Variants in AS3MT observed in about 807,000 individuals in gnomAD.
AS3MT encodes the protein S-adenosyl-L-methionine:arsenic(III) methyltransferase.
A neutral mutation model predicts 45.3 loss-of-function variants in AS3MT; 47 were observed. That is an observed-to-expected ratio of 1.04 (90% CI 0.82 to 1.32). The LOEUF is 1.32. Among genes scored for constraint, AS3MT ranks in the 40% most tolerant of loss-of-function variants. The pLI is 0.00. For missense variants in AS3MT, 396 were observed against 451.1 expected, an observed-to-expected ratio of 0.88 and a Z score of 1.11; for synonymous variants, 141 against 152.8, an observed-to-expected ratio of 0.92 and a Z score of 0.57.
At chr10:102,891,419 T>C (rs373109487) in intron 10 of AS3MT, among the ~76,000 whole-genome samples, 14 of 152,316 alleles carry the variant, frequency 9.2e-5, no homozygotes, top group African/African-American at 3.1e-4. Context: ...AAATAGTTAT[T>C]TGCATAAGTT....
rs752893520 is a variant in AS3MT, at chr10:102,900,715, A to G, written c.*15A>G. The G allele has an allele frequency of 4.4e-6, 7 of 1,590,476 alleles. No individual in the cohort carries two copies. Among genetic ancestry groups the G allele is most frequent in the Non-Finnish European group, 6.0e-6 (7 of 1,158,660 alleles). On this transcript the variant is annotated 3_prime_UTR_variant, in exon 11 of 11. Transcript: ENST00000369880. ...AAAGCTGCTAAATCTATAGCCAACC[A>G]GGGGACCACAGTAGTGGGCAAGAGT...
intron 9 of AS3MT, among the ~76,000 whole-genome samples, chr10:102,889,614 G>GCCTGCCCGCCTTCCTTCCTTCCTTCCTT (rs559139049): frequency 5.3e-5 from 6 of 114,050 alleles, no homozygotes; most frequent in African/African-American, 1.9e-4. Context: ...CTGTCTGCCT[G>GCCTGCCCGCCTTCCTTCCTTCCTTCCTT]CCTTCCTTCC....
chr10:102,872,176 C>G (rs183306757), intron 3 of AS3MT, among the ~76,000 whole-genome samples: 1 of 152,278 alleles, frequency 6.6e-6, no homozygotes, highest in East Asian at 1.9e-4. Flanking sequence ...TGAGCCACCG[C>G]GCCCAGCCTG....
Position 102,870,134 on chromosome 10 carries a change from C to T in AS3MT, c.93C>T (p.Gly31=). ...LKRSADLQTN[G]CVTTARPVPK... ...GATCGGCAGACCTCCAGACCAACGG[C>T]TGTGTCACCACAGCCAGGCCGGTCC... The change falls in exon 3 of 11, where the codon GGC becomes GGT. Residue 31 remains glycine (G), a synonymous_variant. Transcript: ENST00000369880. The T allele has an allele frequency of 1.2e-6, 2 of 1,614,180 alleles. No individual in the cohort carries two copies. The highest frequency in any genetic ancestry group is 1.1e-5 in the South Asian group (1 of 91,088).
intron 10 of AS3MT, among the ~76,000 whole-genome samples, chr10:102,891,280 T>C (rs1845065747): frequency 6.6e-6 from 1 of 152,238 alleles, no homozygotes; most frequent in South Asian, 2.1e-4. Context: ...AATGATCGCC[T>C]GACATTCCTG....
In AS3MT at chr10:102,878,893, T is replaced by G. The variant is rs747427312; in HGVS notation, c.787T>G (p.Ser263Ala). 6.2e-7 allele frequency: 1 copy of G among 1,613,834 alleles called. No individual in the cohort carries two copies. The highest frequency in any genetic ancestry group is 1.3e-5 in the African/African-American group (1 of 75,026). Reference protein sequence around the residue: ...VSATFRLFKHSKTGPTKRCQV... With the variant: ...VSATFRLFKHAKTGPTKRCQV... ...TGCAACATTTCGCCTCTTCAAACAC[T>G]CTAAGACAGGACCAACCAAGAGATG... The change falls in exon 9 of 11, where the codon TCT (serine) becomes GCT (alanine). Residue 263 changes from serine (S) to alanine (A), a missense_variant. Ser to Ala is a moderately conservative substitution (Grantham distance 99). Transcript: ENST00000369880.
chr10:102,892,451 A>G (rs1845085415), intron 10 of AS3MT, among the ~76,000 whole-genome samples: 1 of 152,158 alleles, frequency 6.6e-6, no homozygotes, highest in African/African-American at 2.4e-5. Flanking sequence ...TCTCCAAATC[A>G]AAAATGGGCA....
chr10:102,889,661 T>TTCCTTCCTTCCG (rs1845031725), intron 9 of AS3MT, among the ~76,000 whole-genome samples: 1 of 137,102 alleles, frequency 7.3e-6, no homozygotes, highest in Admixed American at 7.1e-5. Flanking sequence ...CCTTCCTTCC[T>TTCCTTCCTTCCG]TCCCTTCCTC....
At position 102,869,521 on chromosome 10, in the gene AS3MT, A is replaced by C; in HGVS notation, c.-72A>C. 7.3e-7 allele frequency: 1 copy of C among 1,370,614 alleles called. No homozygotes were observed. The highest frequency in any genetic ancestry group is 1.8e-5 in the African/African-American group (1 of 54,832). The allele number at this position is 1,370,614 out of a possible 1,614,324, so 84.9% of individuals were successfully genotyped here. A position where few individuals can be genotyped will look rare whatever the true frequency, so the allele number is the denominator to read the frequency against. Reference sequence around the variant, plus strand: ...GTCCTGAGTCGCAGGCCGAGGAGACAGTGAGTGCGCGCCCTGAGTCGCAGG... The same window carrying C: ...GTCCTGAGTCGCAGGCCGAGGAGACCGTGAGTGCGCGCCCTGAGTCGCAGG... On this transcript the variant is annotated 5_prime_UTR_variant, in exon 1 of 11. Coordinates refer to ENST00000369880, the MANE Select transcript of AS3MT (RefSeq NM_020682.4).
intron 5 of AS3MT, among the ~76,000 whole-genome samples, chr10:102,874,018 G>A (rs1054192575): frequency 6.6e-6 from 1 of 152,102 alleles, no homozygotes; most frequent in Non-Finnish European, 1.5e-5. Context: ...ATTTTGGGAG[G>A]CCGAGGCAGG....
At chr10:102,888,983 C>T (rs998057182) in intron 9 of AS3MT, among the ~76,000 whole-genome samples, 28 of 150,426 alleles carry the variant, frequency 1.9e-4, no homozygotes, top group Non-Finnish European at 3.1e-4. Context: ...CTCCGCCTCC[C>T]GGGTTCATGC....
At chr10:102,870,472 T>C (rs922398456) in intron 3 of AS3MT, among the ~76,000 whole-genome samples, 1 of 152,092 alleles carries the variant, frequency 6.6e-6, no homozygotes, top group Admixed American at 6.5e-5. Context: ...TTACAGGCTG[T>C]AGTGTGCGAT....
Position 102,869,814 on chromosome 10 carries a change from T to C in AS3MT, c.11T>C (p.Leu4Pro), listed in dbSNP as rs2134106999. MAALRDAEIQKDVQ... is the reference protein window; with the variant it reads MAAPRDAEIQKDVQ... ...TTCCCGCTCCCGACAGTGGCTGCAC[T>C]TCGTGACGCTGAGATACAGAAGGAC... The change falls in exon 2 of 11, where the codon CTT becomes CCT. Residue 4 changes from leucine to proline, a missense_variant. Transcript: ENST00000369880. 2 of 1,614,138 alleles carry C rather than the reference T, an allele frequency of 1.2e-6. No homozygotes were observed. Among genetic ancestry groups the C allele is most frequent in the Non-Finnish European group, 1.7e-6 (2 of 1,180,040 alleles).
At chr10:102,883,986 T>G (rs1844908099) in intron 9 of AS3MT, among the ~76,000 whole-genome samples, 1 of 149,302 alleles carries the variant, frequency 6.7e-6, no homozygotes, top group Admixed American at 6.7e-5. Context: ...ATTTCTTTTT[T>G]TTTTTTTTTT....
intron 10 of AS3MT, among the ~76,000 whole-genome samples, chr10:102,897,591 G>A (rs943588384): frequency 3.3e-5 from 5 of 150,508 alleles, no homozygotes; most frequent in East Asian, 2.0e-4. Flanking sequence ...TCAGCTTCCC[G>A]AGTAGCTGGG....
intron 6 of AS3MT, 94 bp from the exon 7 acceptor site, chr10:102,876,860 T>C (rs1276729131): frequency 3.2e-6 from 4 of 1,261,664 alleles, no homozygotes; most frequent in Non-Finnish European, 4.6e-6. Context: ...TATTGATTTT[T>C]AAATTTGATT....
chr10:102,885,474 G>A (rs565886102), intron 9 of AS3MT, among the ~76,000 whole-genome samples: 10 of 137,732 alleles, frequency 7.3e-5, no homozygotes, highest in Admixed American at 3.8e-4. Context: ...GACTACAGGC[G>A]CGTGCCACCA....
intron 1 of AS3MT, 51 bp from the exon 2 acceptor site, chr10:102,869,754 G>A: frequency 1.2e-6 from 2 of 1,613,494 alleles, no homozygotes; most frequent in East Asian, 2.2e-5. Context: ...CCTCCCTCAT[G>A]CCCGTCCCTC....
intron 10 of AS3MT, among the ~76,000 whole-genome samples, chr10:102,893,495 CTT>C (rs35072963): frequency 2.8e-5 from 3 of 106,194 alleles, no homozygotes; most frequent in African/African-American, 3.6e-5. Flanking sequence ...ATTTTTTTTT[CTT>C]TTTTTTTTTT....
Sources: gnomAD v4.1 joint callset for allele counts (sites outside exome capture counted in the v4.1 genomes callset) on GRCh38, gnomAD v4.1.1 for gene constraint, MANE v1.5 for transcripts, NCBI Gene and HGNC (gene_info 2026-07-23, HGNC 2026-07-21) for gene names.